ITGA9: variants seen among roughly 807,000 people sequenced by gnomAD.
ITGA9 encodes integrin alpha-9.
ITGA9 carries 56 observed loss-of-function variants against 127.8 expected under a neutral mutation model. The ratio of observed to expected loss-of-function variants is 0.44; its 90% CI spans 0.35 to 0.55. ITGA9 has a LOEUF of 0.55. Among genes scored for constraint, ITGA9 ranks in the 20% least tolerant of loss-of-function variants. The pLI, the probability that ITGA9 is intolerant of heterozygous loss-of-function variation, is 0.00. For synonymous variants in ITGA9, 508 were observed against 514.5 expected (o/e 0.99, Z 0.17); for missense variants, 1,196 against 1,347.1 (o/e 0.89, Z 1.76).
At chr3:37,653,080 G>C (rs1700444367) in intron 16 of ITGA9, among the ~76,000 whole-genome samples, 1 of 152,234 alleles carries the variant, frequency 6.6e-6, no homozygotes, top group Non-Finnish European at 1.5e-5. Flanking sequence ...TGGGGCTTTG[G>C]CTGTTGAGGC....
At chr3:37,650,852 G>A (rs569157687) in intron 16 of ITGA9, among the ~76,000 whole-genome samples, 1 of 152,156 alleles carries the variant, frequency 6.6e-6, no homozygotes, top group Non-Finnish European at 1.5e-5. Context: ...AGACAAAATT[G>A]CTATCACTGC....
At chr3:37,481,731 A>T in intron 4 of ITGA9, 124 bp downstream of exon 4, 1 of 1,321,070 alleles carries the variant, frequency 7.6e-7, no homozygotes, top group Non-Finnish European at 1.1e-6. Flanking sequence ...ATAGGGCAGC[A>T]CTGTTTGCTC....
chr3:37,748,353 G>T, intron 22 of ITGA9: 1 of 606,404 alleles, frequency 1.6e-6, no homozygotes, highest in South Asian at 1.4e-5. Context: ...CACAAGTTAA[G>T]GGCAAGATTC....
chr3:37,769,046 A>G (rs1696811903), intron 23 of ITGA9, among the ~76,000 whole-genome samples: 1 of 152,166 alleles, frequency 6.6e-6, no homozygotes, highest in Non-Finnish European at 1.5e-5. Context: ...CCTGTTAAAA[A>G]TATACTAATA....
intron 26 of ITGA9, 43 bp from the exon 27 acceptor site, chr3:37,803,780 A>G (rs758797504): frequency 6.2e-7 from 1 of 1,613,360 alleles, no homozygotes; most frequent in Non-Finnish European, 8.5e-7. Flanking sequence ...TCTCAAAAAA[A>G]AAATAAAAAA....
intron 15 of ITGA9, among the ~76,000 whole-genome samples, chr3:37,607,386 CA>C (rs1699978495): frequency 6.6e-6 from 1 of 152,012 alleles, no homozygotes; most frequent in Non-Finnish European, 1.5e-5. Context: ...AGTGTAAGAA[CA>C]AAAAACTTTT....
intron 2 of ITGA9, among the ~76,000 whole-genome samples, chr3:37,471,714 A>G (rs169110): frequency 0.099 from 15,107 of 152,214 alleles, 797 homozygotes; most frequent in Admixed American, 0.13. Flanking sequence ...AATTTTGGGT[A>G]TTACATTTTA....
chr3:37,744,093 G>A (rs1449895500), intron 22 of ITGA9, 59 bp downstream of exon 22: 14 of 1,129,464 alleles, frequency 1.2e-5, no homozygotes, highest in Non-Finnish European at 1.9e-5. Context: ...CACATGGGAT[G>A]TCTCTCCTAC....
At chr3:37,729,629 A>G (rs769798527) in intron 18 of ITGA9, among the ~76,000 whole-genome samples, 1 of 151,510 alleles carries the variant, frequency 6.6e-6, no homozygotes, top group East Asian at 1.9e-4. Flanking sequence ...TCCAGAGTAC[A>G]TTTTTGAAGA....
chr3:37,488,926 A>G (rs1164508365), intron 4 of ITGA9, among the ~76,000 whole-genome samples: 1 of 152,222 alleles, frequency 6.6e-6, no homozygotes, highest in Non-Finnish European at 1.5e-5. Flanking sequence ...ATCCATCCCC[A>G]GAACTTTTGC....
intron 18 of ITGA9, among the ~76,000 whole-genome samples, chr3:37,713,926 G>A (rs183584045): frequency 2.6e-5 from 4 of 152,200 alleles, no homozygotes; most frequent in Non-Finnish European, 5.9e-5. Flanking sequence ...GGTTTAAAAG[G>A]CTGCATGCAA....
At chr3:37,569,353 G>A (rs1178998897) in intron 15 of ITGA9, among the ~76,000 whole-genome samples, 1 of 152,190 alleles carries the variant, frequency 6.6e-6, no homozygotes, top group East Asian at 1.9e-4. Flanking sequence ...AATTGTGGAA[G>A]CTACAATTCA....
chr3:37,800,597 T>A (rs1697225530), intron 26 of ITGA9, among the ~76,000 whole-genome samples: 1 of 152,200 alleles, frequency 6.6e-6, no homozygotes, highest in African/African-American at 2.4e-5. Flanking sequence ...TGAGAGCTGC[T>A]CATTTGAACT....
chr3:37,816,280 G>A (rs1697431749), intron 27 of ITGA9, among the ~76,000 whole-genome samples: 1 of 152,094 alleles, frequency 6.6e-6, no homozygotes, highest in South Asian at 2.1e-4. Flanking sequence ...ATAATAAGGG[G>A]GCAGACTGTT....
At chr3:37,752,068 G>A (rs370221634) in intron 23 of ITGA9, among the ~76,000 whole-genome samples, 53 of 152,342 alleles carry the variant, frequency 3.5e-4, no homozygotes, top group African/African-American at 1.2e-3. Context: ...GTGCTGTAGT[G>A]AAGAGGCGAG....
intron 18 of ITGA9, among the ~76,000 whole-genome samples, chr3:37,713,480 G>A (rs1192166569): frequency 6.6e-6 from 1 of 152,164 alleles, no homozygotes; most frequent in Non-Finnish European, 1.5e-5. Context: ...CATGGATTGA[G>A]CCACAGAGGG....
chr3:37,710,400 T>TCC (rs78035309), intron 18 of ITGA9, among the ~76,000 whole-genome samples: 51 of 148,504 alleles, frequency 3.4e-4, no homozygotes, highest in African/African-American at 1.1e-3. Flanking sequence ...GAAATAAATA[T>TCC]CCCCCCCCCA....
In ITGA9 at chr3:37,473,585, T is replaced by C. The variant is rs571102356; in HGVS notation, c.420+125T>C. 7.8e-5 allele frequency: 48 copies of C among 616,886 alleles called. No homozygotes were observed. The East Asian group carries it at 1.2e-3, about 15-fold the overall frequency. The allele number at this position is 616,886 out of a possible 1,614,324, so 38.2% of individuals were successfully genotyped here. A position where few individuals can be genotyped will look rare whatever the true frequency, so the allele number is the denominator to read the frequency against. On this transcript the variant is annotated intron_variant, in intron 3 of 27. Coordinates refer to ENST00000264741, the MANE Select transcript of ITGA9 (RefSeq NM_002207.3). ...GAGGTTGCTTATTCTGGACTACTGCTTAGACAAATGACTTATCTTCTTATT... is the reference window on the plus strand; with the variant it reads ...GAGGTTGCTTATTCTGGACTACTGCCTAGACAAATGACTTATCTTCTTATT...
intron 1 of ITGA9, among the ~76,000 whole-genome samples, chr3:37,453,119 C>G (rs56104928): frequency 1.5e-4 from 15 of 98,750 alleles, no homozygotes; most frequent in East Asian, 2.2e-4. Context: ...CCCGGCGCCC[C>G]CCCCCCCCCC....
Sources: gnomAD v4.1 joint callset for allele counts (sites outside exome capture counted in the v4.1 genomes callset) on GRCh38, gnomAD v4.1.1 for gene constraint, MANE v1.5 for transcripts, NCBI Gene and HGNC (gene_info 2026-07-23, HGNC 2026-07-21) for gene names.